The following AFF2 variants were observed in gnomAD, a reference collection of about 807,000 sequenced individuals.
AFF2 encodes the protein AF4/FMR2 family member 2.
A neutral mutation model predicts 76.9 loss-of-function variants in AFF2; 14 were observed. That is an observed-to-expected ratio of 0.18 (90% confidence interval 0.12 to 0.28). The LOEUF is 0.28. AFF2 is among the 10% of genes least tolerant of loss of function. The pLI is 1.00. For missense variants in AFF2, 868 were observed against 1,001.1 expected, an observed-to-expected ratio of 0.87 and a Z score of 1.79; for synonymous variants, 398 against 366.7, an observed-to-expected ratio of 1.09 and a Z score of -0.98.
intron 3 of AFF2, among the ~76,000 whole-genome samples, chrX:148,694,493 G>A (rs1557261100): frequency 9.0e-6 from 1 of 111,296 alleles, no homozygotes; most frequent in African/African-American, 3.3e-5. Context: ...AGGGGATGGA[G>A]GAGGGTCAAG....
At chrX:148,964,779 TTATTA>T (rs1557288498) in intron 13 of AFF2, among the ~76,000 whole-genome samples, 1 of 112,545 alleles carries the variant, frequency 8.9e-6, no homozygotes, top group Non-Finnish European at 1.9e-5. Flanking sequence ...ATGGTACATT[TTATTA>T]TATGTGTGTT....
chrX:148,983,844 C>T (rs1483955863), intron 19 of AFF2, among the ~76,000 whole-genome samples: 3 of 106,051 alleles, frequency 2.8e-5, no homozygotes, highest in Admixed American at 1.0e-4. Context: ...GTAGTAGATA[C>T]TAAACAAAGA....
At chrX:148,634,931 TTC>T (rs2054015722) in intron 1 of AFF2, among the ~76,000 whole-genome samples, 1 of 111,632 alleles carries the variant, frequency 9.0e-6, no homozygotes, top group Admixed American at 9.5e-5. Context: ...TCATAAACCA[TTC>T]TCATGCATTA....
chrX:148,770,495 C>A (rs2069573724), intron 3 of AFF2, among the ~76,000 whole-genome samples: 1 of 111,557 alleles, frequency 9.0e-6, no homozygotes, highest in Non-Finnish European at 1.9e-5. Context: ...GCAGGAGGTA[C>A]TACAAATGGA....
Position 148,662,067 on chromosome X carries a change from T to C in AFF2, c.340T>C (p.Phe114Leu), listed in dbSNP as rs1057523628. The change falls in exon 3 of 21, where the codon TTT (phenylalanine) becomes CTT (leucine). Residue 114 changes from phenylalanine (F) to leucine (L), a missense_variant. Phe to Leu is a conservative substitution (Grantham distance 22, BLOSUM62 0). Around this residue, in one of 6 missense-constraint regions of AFF2, gnomAD observed 196 missense variants for 194.8 expected, o/e 1.01. Coordinates refer to ENST00000370460, the MANE Select transcript of AFF2 (RefSeq NM_002025.4). ...QNPNNKNEPS[F>L]FPEQKNRIIP... The stretch of plus-strand genomic sequence containing the variant: ...TCCCAACAACAAAAATGAACCAAGC[T>C]TTTTTCCAGAACAAAAGAACAGAAT... The C allele has an allele frequency of 8.3e-7, 1 of 1,210,693 alleles. No individual in the cohort carries two copies. The highest frequency in any genetic ancestry group is 1.1e-6 in the Non-Finnish European group (1 of 894,512).
intron 7 of AFF2, among the ~76,000 whole-genome samples, chrX:148,850,920 G>A: frequency 8.9e-6 from 1 of 112,115 alleles, no homozygotes; most frequent in African/African-American, 3.2e-5. Flanking sequence ...ACTCATCAGA[G>A]TCCTGACAAG....
intron 2 of AFF2, among the ~76,000 whole-genome samples, chrX:148,656,269 T>C (rs1205918662): frequency 9.0e-6 from 1 of 111,532 alleles, no homozygotes; most frequent in Non-Finnish European, 1.9e-5. Context: ...GAGAAGGATG[T>C]CTTCAAATGT....
At chrX:148,839,935 G>A (rs1557274133) in intron 5 of AFF2, among the ~76,000 whole-genome samples, 2 of 104,501 alleles carry the variant, frequency 1.9e-5, no homozygotes, top group Non-Finnish European at 1.9e-5. Flanking sequence ...GTGTGTGTGT[G>A]TATGTGTATA....
At chrX:148,894,963 C>T (rs1557280151) in intron 8 of AFF2, among the ~76,000 whole-genome samples, 1 of 111,288 alleles carries the variant, frequency 9.0e-6, no homozygotes, top group Non-Finnish European at 1.9e-5. Context: ...CCTGTCATTT[C>T]TGGCAACATT....
chrX:148,559,149 G>A (rs1352394246), intron 1 of AFF2, among the ~76,000 whole-genome samples: 2 of 111,373 alleles, frequency 1.8e-5, no homozygotes, highest in East Asian at 2.8e-4. Context: ...TTCTTGGCTT[G>A]GGGAAGGGCC....
intron 7 of AFF2, 53 bp from the exon 8 acceptor site, chrX:148,885,836 A>G: frequency 4.0e-6 from 4 of 990,084 alleles, no homozygotes; most frequent in Non-Finnish European, 4.3e-6. Context: ...GTATCCGAGG[A>G]TGATTTAGAA....
rs187825378 is a variant in AFF2 at position 148,788,260 on chromosome X, A to G, written c.1042-21616A>G. ...ATCCACTGGCTGCAATTGGTTTCAT[A>G]CTAATTCTATAAAGCAGTATAGAAT... On this transcript the variant is annotated intron_variant, in intron 3 of 20. Coordinates refer to ENST00000370460, the MANE Select transcript of AFF2 (RefSeq NM_002025.4). 1.9e-3 allele frequency among the ~76,000 whole-genome samples: 218 copies of G among 112,204 alleles called. 1 individual carries two copies. Among genetic ancestry groups the G allele is most frequent in the Admixed American group, 0.017 (180 of 10,580 alleles).
At chrX:148,725,644 C>T (rs373745252) in intron 3 of AFF2, among the ~76,000 whole-genome samples, 1 of 112,015 alleles carries the variant, frequency 8.9e-6, no homozygotes, top group Admixed American at 9.4e-5. Context: ...TTCCTGTTCT[C>T]TTACTCAACA....
At chrX:148,821,079 T>A (rs1603306325) in intron 4 of AFF2, among the ~76,000 whole-genome samples, 1 of 111,071 alleles carries the variant, frequency 9.0e-6, no homozygotes, top group African/African-American at 3.3e-5. Context: ...ATTAGGGCAA[T>A]ACAAGCAAGA....
intron 3 of AFF2, among the ~76,000 whole-genome samples, chrX:148,750,715 A>ATGAT (rs2055487398): frequency 8.9e-6 from 1 of 112,115 alleles, no homozygotes; most frequent in South Asian, 3.7e-4. Context: ...ATAGTGTTAA[A>ATGAT]TGAAGTGTAA....
chrX:148,858,280 TACTG>T (rs1199957451), intron 7 of AFF2, among the ~76,000 whole-genome samples: 1 of 111,569 alleles, frequency 9.0e-6, no homozygotes, highest in South Asian at 3.7e-4. Context: ...TGATGGTTAT[TACTG>T]AATGATTATA....
intron 7 of AFF2, among the ~76,000 whole-genome samples, chrX:148,869,898 C>G (rs2070952107): frequency 9.0e-6 from 1 of 111,088 alleles, no homozygotes; most frequent in Admixed American, 9.6e-5. Flanking sequence ...GCAAATTGCC[C>G]CTTTTTATAA....
chrX:148,694,190 A>T (rs2054687719), intron 3 of AFF2, among the ~76,000 whole-genome samples: 1 of 102,729 alleles, frequency 9.7e-6, no homozygotes. Context: ...GGGGGGAGGG[A>T]TAGCATTGGG....
intron 3 of AFF2, among the ~76,000 whole-genome samples, chrX:148,704,494 A>T (rs1242372976): frequency 2.0e-5 from 2 of 98,132 alleles, no homozygotes; most frequent in Admixed American, 1.2e-4. Flanking sequence ...ATATATATTT[A>T]TATATATGTG....
Sources: allele counts gnomAD v4.1 joint callset (sites outside exome capture counted in the v4.1 genomes callset), GRCh38; gene constraint gnomAD v4.1.1; regional missense constraint gnomAD v4.1.1; transcripts MANE v1.5; gene names NCBI Gene and HGNC (gene_info 2026-07-23, HGNC 2026-07-21).